The following PFKFB2 variants were observed in gnomAD, a reference collection of about 807,000 sequenced individuals.
PFKFB2 encodes the protein 6-phosphofructo-2-kinase/fructose-2,6-biphosphatase 2, also known as 6-phosphofructo-2-kinase/fructose-2,6-bisphosphatase 2.
Under a neutral mutation model 68.0 loss-of-function variants are expected in PFKFB2, and 53 were observed. The observed-to-expected ratio is 0.78, with a 90% CI of 0.63 to 0.98. The LOEUF (loss-of-function observed/expected upper bound fraction) is 0.98. Among genes scored for constraint, PFKFB2 ranks in the 50% least tolerant of loss-of-function variants. The pLI is 0.00. For missense variants in PFKFB2, 451 were observed against 642.0 expected, an observed-to-expected ratio of 0.70 and a Z score of 3.22; for synonymous variants, 222 against 227.6, an observed-to-expected ratio of 0.98 and a Z score of 0.22.
chr1:207,052,702 G>T (rs1682787707), upstream of PFKFB2, among the ~76,000 whole-genome samples: 1 of 151,238 alleles, frequency 6.6e-6, no homozygotes, highest in Admixed American at 6.6e-5. Flanking sequence ...CCAATGGGGT[G>T]TATGGGTGGG....
chr1:207,080,217 G>A (rs1276638377), downstream of PFKFB2: 2 of 67,566 alleles, frequency 3.0e-5, no homozygotes, highest in Non-Finnish European at 2.9e-5. Context: ...ATTATATCTT[G>A]CAAGGAAAGT....
chr1:207,061,964 T>G lies in PFKFB2; in HGVS notation c.97T>G (p.Tyr33Asp). The part of the protein sequence containing the change: ...MSEKKCSWAS[Y>D]MTNSPTLIVM... ...TCATTTCCTTCTAGCATGGGCCTCC[T>G]ACATGACCAACTCCCCGACTCTGAT... is the stretch of plus-strand genomic sequence containing the variant. The change falls in exon 3 of 15, where the codon TAC (tyrosine) becomes GAC (aspartate). Residue 33 changes from tyrosine to aspartate, a missense_variant. Physicochemically the swap from Tyr to Asp is radical, Grantham distance 160. Transcript: ENST00000367080. The G allele has an allele frequency of 6.2e-7, 1 of 1,614,144 alleles. No individual in the cohort carries two copies. The highest frequency in any genetic ancestry group is 8.5e-7 in the Non-Finnish European group (1 of 1,179,968).
At chr1:207,065,300 G>A in intron 8 of PFKFB2, 140 bp downstream of exon 8, 2 of 1,450,030 alleles carry the variant, frequency 1.4e-6, no homozygotes, top group Non-Finnish European at 1.8e-6. Context: ...ATAAGGTATG[G>A]ATTTGTGGCT....
upstream of PFKFB2, chr1:207,052,183 A>G (rs1168507113): frequency 1.9e-6 from 3 of 1,612,464 alleles, no homozygotes; most frequent in Admixed American, 5.0e-5. Context: ...GTGCAAACTC[A>G]CCTCCACTGT....
intron 2 of PFKFB2, chr1:207,046,816 G>C (rs540405268): frequency 6.6e-6 from 1 of 152,136 alleles, no homozygotes; most frequent in East Asian, 1.9e-4. Flanking sequence ...AGAAACTTAT[G>C]TTGGAACATA....
chr1:207,062,102 A>G, intron 3 of PFKFB2, 24 bp downstream of exon 3: 1 of 1,613,974 alleles, frequency 6.2e-7, no homozygotes, highest in Non-Finnish European at 8.5e-7. Flanking sequence ...ATTCCCTAGG[A>G]AAGACAATTA....
In PFKFB2 at chr1:207,063,238, T is replaced by C. The variant is rs1683169720; in HGVS notation, c.375+29T>C. 6.2e-7 allele frequency: 1 copy of C among 1,606,500 alleles called. No individual in the cohort carries two copies. Among genetic ancestry groups the C allele is most frequent in the African/African-American group, 1.3e-5 (1 of 74,908 alleles). ...AGCTTTATCTGCTGCTTCTTCTTTCTGGTCCCCACCCTTGCAGCAGCCTGG... is the reference window on the plus strand; with the variant it reads ...AGCTTTATCTGCTGCTTCTTCTTTCCGGTCCCCACCCTTGCAGCAGCCTGG... On this transcript the variant is annotated intron_variant, in intron 5 of 14. Coordinates refer to ENST00000367080, the MANE Select transcript of PFKFB2 (RefSeq NM_006212.2). This position sits in a 1 kb window ranked among gnomAD's most constrained non-coding sequence, Gnocchi z 4.1.
upstream of PFKFB2, chr1:207,050,781 G>A: frequency 2.5e-6 from 4 of 1,613,456 alleles, no homozygotes; most frequent in Non-Finnish European, 2.5e-6. Context: ...TGACCGCCGG[G>A]GGCGATCCCG....
chr1:207,062,465 A>G (rs1188273116), intron 3 of PFKFB2, 155 bp from the exon 4 acceptor site: 2 of 1,205,032 alleles, frequency 1.7e-6, no homozygotes, highest in Admixed American at 4.7e-5. Flanking sequence ...CTTGAACCCA[A>G]CTCTTTTGAC....
upstream of PFKFB2, chr1:207,051,200 A>G (rs1682744308): frequency 7.7e-7 from 1 of 1,305,344 alleles, no homozygotes. Context: ...TGCTACCTAT[A>G]GAGCGAGTGA....
chr1:207,077,508 A>G lies in PFKFB2; in HGVS notation c.*5137A>G. The G allele has an allele frequency of 1.0e-6, 1 of 985,724 alleles. No individual in the cohort carries two copies. The highest frequency in any genetic ancestry group is 1.2e-6 in the Non-Finnish European group (1 of 829,936). The allele number at this position is 985,724 out of a possible 1,614,324, so 61.1% of individuals were successfully genotyped here. On this transcript the variant is annotated 3_prime_UTR_variant, in exon 15 of 15. Transcript: ENST00000367080. ...GTATGGTGATGGTTTTGCTATGGCA[A>G]AATCAAAGGGCTGATCATACATGGT... is the stretch of plus-strand genomic sequence containing the variant.
chr1:207,034,494 T>G (rs892214104), intron 1 of PFKFB2: 1 of 152,152 alleles, frequency 6.6e-6, no homozygotes, highest in Non-Finnish European at 1.5e-5. Context: ...GAACATTTGC[T>G]AAAAAAATGA....
At chr1:207,042,549 CAAAAAAAAAAAAAAAAAAAAAAA>C (rs57077682) in intron 2 of PFKFB2, among the ~76,000 whole-genome samples, 1 of 44,714 alleles carries the variant, frequency 2.2e-5, no homozygotes, top group African/African-American at 7.4e-5. Flanking sequence ...CTCTGTCTCA[CAAAAAAAAAAAAAAAAAAAAAAA>C]AAAAAAAAAG....
In PFKFB2 at chr1:207,073,963, G is replaced by C. The variant is rs77560413; in HGVS notation, c.*1592G>C. ...AAGGAGTTAGCTATTTTCCAAGGGT[G>C]TTTTCATTTGGTAATGGAAGACTTT... is the stretch of plus-strand genomic sequence containing the variant. On this transcript the variant is annotated 3_prime_UTR_variant, in exon 15 of 15. Coordinates refer to ENST00000367080, the MANE Select transcript of PFKFB2 (RefSeq NM_006212.2). The C allele has an allele frequency of 2.0e-6, 2 of 985,358 alleles. No homozygotes were observed. The highest frequency in any genetic ancestry group is 3.5e-5 in the African/African-American group (2 of 57,366). 61.0% of individuals were successfully genotyped at this position (985,358 alleles called of 1,614,324 possible). A position where few individuals can be genotyped will look rare whatever the true frequency, so the allele number is the denominator to read the frequency against.
At chr1:207,071,663 G>C (rs774451449) in intron 14 of PFKFB2, 90 bp downstream of exon 14, 4 of 891,890 alleles carry the variant, frequency 4.5e-6, no homozygotes, top group Non-Finnish European at 7.3e-6. Flanking sequence ...TTTCTTTTAT[G>C]TACAAAAGGG....
chr1:207,060,504 G>T (rs1267461267), intron 2 of PFKFB2, among the ~76,000 whole-genome samples: 1 of 152,162 alleles, frequency 6.6e-6, no homozygotes, highest in African/African-American at 2.4e-5. Context: ...AGTAAGCTTT[G>T]CCAACTCAAT....
In PFKFB2 at chr1:207,073,959, G is replaced by C; in HGVS notation, c.*1588G>C. ...TGAGAAGGAGTTAGCTATTTTCCAA[G>C]GGTGTTTTCATTTGGTAATGGAAGA... On this transcript the variant is annotated 3_prime_UTR_variant, in exon 15 of 15. Transcript: ENST00000367080. The C allele has an allele frequency of 1.0e-6, 1 of 985,398 alleles. No individual in the cohort carries two copies. Among genetic ancestry groups the C allele is most frequent in the Non-Finnish European group, 1.2e-6 (1 of 829,900 alleles). The allele number at this position is 985,398 out of a possible 1,614,324, so 61.0% of individuals were successfully genotyped here. A position where few individuals can be genotyped will look rare whatever the true frequency, so the allele number is the denominator to read the frequency against.
At position 207,070,557 on chromosome 1, in the gene PFKFB2, A is replaced by C. The variant is rs1369619897; in HGVS notation, c.1222+148A>C. ...CAGCAGTGTGGGGCTCCCAGCAGCC[A>C]CTGAGTCAATGACTTGCTGAGTTCA... On this transcript the variant is annotated intron_variant, in intron 12 of 14. Coordinates refer to ENST00000367080, the MANE Select transcript of PFKFB2 (RefSeq NM_006212.2). The surrounding 1 kb of genome is among the most constrained non-coding windows in gnomAD (Gnocchi z 4.2). 3.8e-6 allele frequency: 3 copies of C among 798,574 alleles called. No individual in the cohort carries two copies. Among genetic ancestry groups the C allele is most frequent in the Non-Finnish European group, 5.8e-6 (3 of 520,386 alleles). The allele number at this position is 798,574 out of a possible 1,614,324, so 49.5% of individuals were successfully genotyped here.
At position 207,074,308 on chromosome 1, in the gene PFKFB2, T is replaced by C. The variant is rs866508103; in HGVS notation, c.*1937T>C. The stretch of plus-strand genomic sequence containing the variant: ...TGTTTGAGCAGATCATAATGTTAAA[T>C]GATATAACCCCCTGGAAGGCAGGCT... On this transcript the variant is annotated 3_prime_UTR_variant, in exon 15 of 15. Transcript: ENST00000367080. 7.2e-5 allele frequency: 71 copies of C among 985,456 alleles called. 1 individual carries two copies. The Middle Eastern group carries it at 8.9e-3, about 123-fold the overall frequency. 61.0% of individuals were successfully genotyped at this position (985,456 alleles called of 1,614,324 possible). A position where few individuals can be genotyped will look rare whatever the true frequency, so the allele number is the denominator to read the frequency against.
Sources: allele counts gnomAD v4.1 joint callset (sites outside exome capture counted in the v4.1 genomes callset), GRCh38; gene constraint gnomAD v4.1.1; non-coding constraint Gnocchi (gnomAD v3.1); transcripts MANE v1.5; gene names NCBI Gene and HGNC (gene_info 2026-07-23, HGNC 2026-07-21).